The following FTCDNL1 variants were observed in gnomAD, a reference collection of about 807,000 sequenced individuals.
FTCDNL1 encodes formiminotransferase N-terminal subdomain-containing protein.
A neutral mutation model predicts 5.9 loss-of-function variants in FTCDNL1; 11 were observed. The observed-to-expected ratio is 1.87, with a 90% CI of 1.18 to 3.10. The LOEUF (loss-of-function observed/expected upper bound fraction) is 3.10, where lower values mean the gene tolerates loss of function less well. Among genes scored for constraint, FTCDNL1 ranks in the 30% most tolerant of loss-of-function variants. The probability of loss-of-function intolerance (pLI) is 0.00; values close to 1 mark genes in which losing one functional copy is unlikely to be tolerated. For synonymous variants in FTCDNL1, 58 were observed against 24.8 expected (o/e 2.34, Z -3.99); for missense variants, 115 against 65.5 (o/e 1.76, Z -2.61).
intron 3 of FTCDNL1, among the ~76,000 whole-genome samples, chr2:199,777,727 T>C (rs1003899258): frequency 7.9e-5 from 12 of 151,816 alleles, no homozygotes; most frequent in African/African-American, 2.4e-4. Context: ...CCAAAAATGG[T>C]TTGAGAGAGC....
At chr2:199,693,943 A>T in the FTCDNL1 span, among the ~76,000 whole-genome samples, 1 of 152,186 alleles carries the variant, frequency 6.6e-6, no homozygotes. Flanking sequence ...TAGAGAATTT[A>T]TATCATCTCC....
chr2:199,729,798 T>G, the FTCDNL1 span, among the ~76,000 whole-genome samples: 1 of 152,230 alleles, frequency 6.6e-6, no homozygotes, highest in Non-Finnish European at 1.5e-5. Context: ...ATAGATTCAA[T>G]GCTAGTCCCA....
the FTCDNL1 span, among the ~76,000 whole-genome samples, chr2:199,713,898 G>T: frequency 3.3e-5 from 5 of 152,232 alleles, no homozygotes; most frequent in South Asian, 8.3e-4. Flanking sequence ...TGACATCGAA[G>T]TCTCACTTAT....
chr2:199,833,160 T>C (rs1702488270), intron 3 of FTCDNL1, among the ~76,000 whole-genome samples: 1 of 152,076 alleles, frequency 6.6e-6, no homozygotes, highest in Non-Finnish European at 1.5e-5. Context: ...CTTGTAAAGA[T>C]GAAGTCTCAC....
rs1319054963 is a variant in FTCDNL1 at position 199,765,532 on chromosome 2, T to TTATA, written c.212-4701_212-4698dup. Among the ~76,000 whole-genome samples the TTATA allele has an allele frequency of 1.3e-3, 106 of 79,550 alleles. 2 individuals carry two copies. Among genetic ancestry groups the TTATA allele is most frequent in the East Asian group, 1.9e-3 (3 of 1,580 alleles). 52.2% of individuals were successfully genotyped at this position (79,550 alleles called of 152,430 possible). Reference sequence around the variant, plus strand: ...ACGTGGCATCTCTTTTTTGTCTTCATTATATATATATATATATATATATAT... The same window carrying TTATA: ...ACGTGGCATCTCTTTTTTGTCTTCATTATATATATATATATATATATATATATAT... On this transcript the variant is annotated intron_variant, in intron 3 of 3. Coordinates refer to the FTCDNL1 transcript ENST00000416668.
chr2:199,688,704 A>G, the FTCDNL1 span, among the ~76,000 whole-genome samples: 2 of 152,320 alleles, frequency 1.3e-5, no homozygotes, highest in Admixed American at 6.5e-5. Flanking sequence ...TTTTTTATTT[A>G]TAAAACAGGA....
intron 3 of FTCDNL1, among the ~76,000 whole-genome samples, chr2:199,777,555 C>T (rs1699154373): frequency 6.6e-6 from 1 of 152,028 alleles, no homozygotes; most frequent in African/African-American, 2.4e-5. Flanking sequence ...TAAAGTTGGC[C>T]GATGTAAATA....
At chr2:199,746,064 C>A in the FTCDNL1 span, among the ~76,000 whole-genome samples, 4 of 152,146 alleles carry the variant, frequency 2.6e-5, no homozygotes, top group Non-Finnish European at 5.9e-5. Context: ...CCAAAAATGA[C>A]CTTTATCATA....
the FTCDNL1 span, among the ~76,000 whole-genome samples, chr2:199,715,097 A>T: frequency 6.6e-6 from 1 of 152,060 alleles, no homozygotes; most frequent in African/African-American, 2.4e-5. Context: ...GTATAATAAA[A>T]AATAATAATA....
the FTCDNL1 span, among the ~76,000 whole-genome samples, chr2:199,681,564 G>A: frequency 6.6e-6 from 1 of 152,176 alleles, no homozygotes; most frequent in Non-Finnish European, 1.5e-5. Context: ...GACAAGAAAA[G>A]GGGATGAGAG....
the FTCDNL1 span, among the ~76,000 whole-genome samples, chr2:199,712,288 G>C: frequency 6.6e-6 from 1 of 152,134 alleles, no homozygotes; most frequent in South Asian, 2.1e-4. Flanking sequence ...ACTGTCAGCT[G>C]CTAACTTGCT....
At chr2:199,813,958 A>C (rs1167884161) in intron 4 of FTCDNL1, among the ~76,000 whole-genome samples, 1 of 151,314 alleles carries the variant, frequency 6.6e-6, no homozygotes, top group Non-Finnish European at 1.5e-5. Context: ...TTTTTACTGA[A>C]AACCTGGTGA....
the FTCDNL1 span, among the ~76,000 whole-genome samples, chr2:199,729,727 T>A: frequency 1.3e-5 from 2 of 152,068 alleles, no homozygotes; most frequent in South Asian, 2.1e-4. Flanking sequence ...GGAAAAAAAA[T>A]TCCATGCTCA....
chr2:199,778,800 C>T (rs1194044394), intron 3 of FTCDNL1, among the ~76,000 whole-genome samples: 6 of 152,264 alleles, frequency 3.9e-5, no homozygotes, highest in Middle Eastern at 6.8e-3. Context: ...ATGTTCATTG[C>T]TTTATAGTTT....
At chr2:199,764,312 C>T (rs1263263801) in intron 3 of FTCDNL1, among the ~76,000 whole-genome samples, 2 of 152,094 alleles carry the variant, frequency 1.3e-5, no homozygotes, top group African/African-American at 2.4e-5. Flanking sequence ...CCCATTCTGC[C>T]GATGAAAAAA....
chr2:199,844,902 C>T (rs999783461), intron 3 of FTCDNL1, among the ~76,000 whole-genome samples: 1 of 151,814 alleles, frequency 6.6e-6, no homozygotes, highest in Admixed American at 6.6e-5. Flanking sequence ...AATAGATACA[C>T]AAACATAATT....
At chr2:199,819,800 C>T (rs1701575844) in intron 3 of FTCDNL1, 43 bp from the exon 4 acceptor site, 3 of 673,900 alleles carry the variant, frequency 4.5e-6, no homozygotes, top group Non-Finnish European at 5.4e-6. Context: ...CACAATCAAG[C>T]CAAATTTTAA....
chr2:199,763,183 G>A (rs1396739464), intron 3 of FTCDNL1, among the ~76,000 whole-genome samples: 4 of 152,180 alleles, frequency 2.6e-5, no homozygotes, highest in East Asian at 1.9e-4. Flanking sequence ...AGATGACAAT[G>A]CTCCAGTGGT....
the FTCDNL1 span, among the ~76,000 whole-genome samples, chr2:199,727,946 A>G: frequency 2.0e-5 from 3 of 151,878 alleles, no homozygotes; most frequent in Non-Finnish European, 4.4e-5. Flanking sequence ...TTTCCCTTTA[A>G]CTGCCACACT....
Sources: gnomAD v4.1 joint callset for allele counts (sites outside exome capture counted in the v4.1 genomes callset) on GRCh38, gnomAD v4.1.1 for gene constraint, MANE v1.5 for transcripts, NCBI Gene and HGNC (gene_info 2026-07-23, HGNC 2026-07-21) for gene names.